The following CAST variants were observed in gnomAD, a reference collection of about 807,000 sequenced individuals.
The protein encoded by CAST is MIR583 host.
Under a neutral mutation model 119.6 loss-of-function variants are expected in CAST, and 76 were observed. The observed-to-expected ratio is 0.64, with a 90% CI of 0.53 to 0.77. The LOEUF (loss-of-function observed/expected upper bound fraction) is 0.77, where lower values mean the gene tolerates loss of function less well. Among genes scored for constraint, CAST ranks in the 30% least tolerant of loss-of-function variants. CAST has a pLI of 0.00. For synonymous variants in CAST, 319 were observed against 331.6 expected (o/e 0.96, Z 0.41); for missense variants, 953 against 946.5 (o/e 1.01, Z -0.09).
chr5:96,587,245 C>T (rs189251064), intron 1 of CAST, among the ~76,000 whole-genome samples: 60 of 152,306 alleles, frequency 3.9e-4, no homozygotes, highest in African/African-American at 1.3e-3. Context: ...CCATTACAGC[C>T]GCTCAGACCT....
chr5:96,064,421 A>G, the CAST span, among the ~76,000 whole-genome samples: 1 of 152,126 alleles, frequency 6.6e-6, no homozygotes, highest in African/African-American at 2.4e-5. Flanking sequence ...TGTTACAAAT[A>G]AAGTTGGCAT....
At chr5:96,758,203 T>TTA (rs1766765332) in intron 24 of CAST, among the ~76,000 whole-genome samples, 2 of 152,196 alleles carry the variant, frequency 1.3e-5, no homozygotes, top group South Asian at 4.1e-4. Flanking sequence ...AGAATTTAAA[T>TTA]GTAAGCTTAT....
the CAST span, among the ~76,000 whole-genome samples, chr5:96,157,611 G>T: frequency 6.6e-6 from 1 of 152,172 alleles, no homozygotes. Flanking sequence ...CATTAGAATC[G>T]TGAAACTGTT....
chr5:96,731,066 CT>C (rs1760377863), intron 9 of CAST, among the ~76,000 whole-genome samples: 1 of 152,192 alleles, frequency 6.6e-6, no homozygotes, highest in Non-Finnish European at 1.5e-5. Flanking sequence ...TAACTGCTTA[CT>C]GAGTACATGC....
chr5:96,561,573 G>A (rs1746362220), intron 1 of CAST, among the ~76,000 whole-genome samples: 1 of 151,584 alleles, frequency 6.6e-6, no homozygotes, highest in Admixed American at 6.6e-5. Flanking sequence ...GGGGTGGGGA[G>A]GTAGGGGAGG....
At chr5:96,719,943 A>G (rs1757933297) in intron 3 of CAST, among the ~76,000 whole-genome samples, 1 of 152,148 alleles carries the variant, frequency 6.6e-6, no homozygotes, top group African/African-American at 2.4e-5. Context: ...TGTCTCAACT[A>G]TCCCCTGAAC....
At chr5:96,127,841 C>A in the CAST span, among the ~76,000 whole-genome samples, 2 of 151,962 alleles carry the variant, frequency 1.3e-5, no homozygotes, top group Non-Finnish European at 2.9e-5. Flanking sequence ...GTGATAAACC[C>A]TGTTGGTAAT....
the CAST span, among the ~76,000 whole-genome samples, chr5:96,283,081 G>C: frequency 7.1e-6 from 1 of 141,396 alleles, no homozygotes; most frequent in African/African-American, 2.7e-5. Flanking sequence ...AGTGAGCCGA[G>C]ATTGCGCCAC....
the CAST span, among the ~76,000 whole-genome samples, chr5:95,963,848 C>G: frequency 2.7e-5 from 4 of 150,702 alleles, no homozygotes; most frequent in Non-Finnish European, 4.4e-5. Flanking sequence ...CACTGCTTTT[C>G]CGGTGAATGT....
intron 1 of CAST, among the ~76,000 whole-genome samples, chr5:96,539,286 T>A (rs1279784287): frequency 6.6e-6 from 1 of 152,234 alleles, no homozygotes; most frequent in Admixed American, 6.5e-5. Flanking sequence ...CTTTATATCA[T>A]GCCAATTGTT....
At chr5:96,313,199 G>T in the CAST span, among the ~76,000 whole-genome samples, 1 of 151,992 alleles carries the variant, frequency 6.6e-6, no homozygotes, top group Non-Finnish European at 1.5e-5. Context: ...TTTGTTTTAA[G>T]ATATAATTTA....
the CAST span, among the ~76,000 whole-genome samples, chr5:96,136,869 T>G: frequency 6.6e-6 from 1 of 152,188 alleles, no homozygotes. Context: ...CAACAAGAGT[T>G]CAATATTTAT....
At chr5:96,432,000 A>G in the CAST span, 2 of 955,688 alleles carry the variant, frequency 2.1e-6, no homozygotes, top group African/African-American at 3.2e-5. Flanking sequence ...ACGCCCACCC[A>G]CCTCCAACCA....
chr5:96,411,626 A>G, the CAST span, among the ~76,000 whole-genome samples: 572 of 152,338 alleles, frequency 3.8e-3, 1 homozygote, highest in Middle Eastern at 0.017. Flanking sequence ...ACACGTTTCT[A>G]TATTTGAAAA....
intron 1 of CAST, among the ~76,000 whole-genome samples, chr5:96,552,234 C>A (rs1473604652): frequency 6.6e-6 from 1 of 152,150 alleles, no homozygotes; most frequent in African/African-American, 2.4e-5. Context: ...GACTACAGTG[C>A]AATCAAATTA....
the CAST span, among the ~76,000 whole-genome samples, chr5:96,485,701 T>C: frequency 3.9e-5 from 6 of 152,126 alleles, no homozygotes; most frequent in Non-Finnish European, 8.8e-5. Flanking sequence ...GCTGTTTAAT[T>C]TATTTGTTGC....
intron 2 of CAST, among the ~76,000 whole-genome samples, chr5:96,680,354 C>CAAAAA (rs71617135): frequency 3.1e-4 from 9 of 29,244 alleles, no homozygotes; most frequent in Non-Finnish European, 4.2e-4. Context: ...GACTCTGTCT[C>CAAAAA]AAAAAAAAAA....
chr5:96,136,965 T>C, the CAST span, among the ~76,000 whole-genome samples: 2 of 152,222 alleles, frequency 1.3e-5, no homozygotes, highest in African/African-American at 4.8e-5. Context: ...CTCCTTTCTG[T>C]GAAGTTGTTT....
the CAST span, among the ~76,000 whole-genome samples, chr5:96,439,301 A>G: frequency 0.13 from 19,508 of 151,920 alleles, 1,612 homozygotes; most frequent in East Asian, 0.28. Context: ...ACATAAACTT[A>G]TGAAATGGGG....
Sources: allele counts gnomAD v4.1 joint callset (sites outside exome capture counted in the v4.1 genomes callset), GRCh38; gene constraint gnomAD v4.1.1; transcripts MANE v1.5; gene names NCBI Gene and HGNC (gene_info 2026-07-23, HGNC 2026-07-21).